Variants in UBXN4 observed in about 807,000 individuals in gnomAD.
UBXN4 encodes the protein UBX domain protein 4, also known as UBX domain-containing protein 4.
Under a neutral mutation model 66.2 loss-of-function variants are expected in UBXN4, and 35 were observed. That is an observed-to-expected ratio of 0.53 (90% confidence interval 0.40 to 0.70). UBXN4 has a LOEUF of 0.70. UBXN4 is among the 30% of genes least tolerant of loss of function. The pLI, the probability that UBXN4 is intolerant of heterozygous loss-of-function variation, is 0.00. For synonymous variants in UBXN4, 203 were observed against 204.5 expected (o/e 0.99, Z 0.06); for missense variants, 533 against 599.8 (o/e 0.89, Z 1.16).
At chr2:135,754,810 A>G (rs909176129) in intron 4 of UBXN4, among the ~76,000 whole-genome samples, 1 of 151,632 alleles carries the variant, frequency 6.6e-6, no homozygotes, top group South Asian at 2.1e-4. Context: ...TTTTTTTGAG[A>G]TGGAGTCTCT....
intron 3 of UBXN4, 146 bp downstream of exon 3, chr2:135,753,713 T>TA (rs1035757179): frequency 3.6e-5 from 25 of 699,344 alleles, no homozygotes; most frequent in Non-Finnish European, 4.8e-5. Context: ...TGTCCTCATT[T>TA]AAAAAAAATG....
At chr2:135,762,346 C>G (rs1047355207) in intron 6 of UBXN4, among the ~76,000 whole-genome samples, 1 of 152,112 alleles carries the variant, frequency 6.6e-6, no homozygotes, top group African/African-American at 2.4e-5. Flanking sequence ...AAATTTCTGG[C>G]TCTTTGTAGT....
intron 1 of UBXN4, among the ~76,000 whole-genome samples, chr2:135,743,825 TTAAA>T (rs973938257): frequency 5.9e-5 from 9 of 151,648 alleles, no homozygotes; most frequent in African/African-American, 1.2e-4. Context: ...ATTGGAATAG[TTAAA>T]TAAAGTTATA....
intron 6 of UBXN4, among the ~76,000 whole-genome samples, chr2:135,767,037 G>A (rs1429178150): frequency 6.6e-6 from 1 of 151,064 alleles, no homozygotes; most frequent in African/African-American, 2.4e-5. Flanking sequence ...CTACTTATTG[G>A]ACACCAGCAC....
At chr2:135,774,319 T>C (rs1161683495) in intron 9 of UBXN4, among the ~76,000 whole-genome samples, 1 of 152,024 alleles carries the variant, frequency 6.6e-6, no homozygotes, top group Non-Finnish European at 1.5e-5. Flanking sequence ...AAATAATGAA[T>C]TTGGACCTTT....
chr2:135,770,347 T>C (rs1258714456), intron 7 of UBXN4, among the ~76,000 whole-genome samples: 1 of 152,220 alleles, frequency 6.6e-6, no homozygotes, highest in Non-Finnish European at 1.5e-5. Context: ...CCTGTAATTA[T>C]GCTTGCCTTC....
intron 1 of UBXN4, among the ~76,000 whole-genome samples, chr2:135,744,168 C>T (rs1019007525): frequency 9.2e-5 from 14 of 152,154 alleles, no homozygotes; most frequent in African/African-American, 3.1e-4. Context: ...TTGTGATTTT[C>T]TTAGGTCTAA....
intron 5 of UBXN4, among the ~76,000 whole-genome samples, chr2:135,756,756 T>C (rs983022304): frequency 1.3e-5 from 2 of 152,212 alleles, no homozygotes; most frequent in African/African-American, 4.8e-5. Context: ...AATTTTCCTT[T>C]AGCATTACTT....
At chr2:135,764,331 T>C (rs965010776) in intron 6 of UBXN4, among the ~76,000 whole-genome samples, 3 of 152,146 alleles carry the variant, frequency 2.0e-5, no homozygotes, top group African/African-American at 7.2e-5. Context: ...AGGGAAAGGG[T>C]GACTAAATCA....
chr2:135,774,555 T>C (rs954921335), intron 9 of UBXN4, among the ~76,000 whole-genome samples: 1 of 151,986 alleles, frequency 6.6e-6, no homozygotes, highest in African/African-American at 2.4e-5. Context: ...ATCAAGAAAG[T>C]GCAAAGAAGC....
Position 135,748,359 on chromosome 2 carries a change from G to A in UBXN4, c.175G>A (p.Asp59Asn), listed in dbSNP as rs185396013. ...SSNSFVAIKI[D>N]TKSEACLQFS... is the part of the protein sequence containing the mutation. Reference sequence around the variant, plus strand: ...AAACAGTTTTGTTGCTATTAAAATCGATACCAAAAGGTTTGTTTATGTTTT... The same window carrying A: ...AAACAGTTTTGTTGCTATTAAAATCAATACCAAAAGGTTTGTTTATGTTTT... Residue 59 changes from aspartate to asparagine, a missense_variant, in exon 2 of 13, where the codon GAT becomes AAT. Physicochemically the swap from Asp to Asn is conservative, Grantham distance 23. This residue lies in a region of UBXN4 where 529 missense variants were observed against 580.1 expected (regional missense o/e 0.91). Coordinates refer to ENST00000272638, the MANE Select transcript of UBXN4 (RefSeq NM_014607.4). The A allele has an allele frequency of 6.9e-6, 11 of 1,589,076 alleles. No individual in the cohort carries two copies. In the Admixed American group the frequency reaches 7.1e-5, roughly 10 times the overall value.
At chr2:135,774,480 A>G (rs145281562) in intron 9 of UBXN4, among the ~76,000 whole-genome samples, 185 of 152,366 alleles carry the variant, frequency 1.2e-3, no homozygotes, top group African/African-American at 4.3e-3. Flanking sequence ...AAGCACAGGA[A>G]CAAAATTTAA....
In UBXN4 at chr2:135,754,358, G is replaced by T. The variant is rs2077266620; in HGVS notation, c.333+81G>T. ...TTTTTTTGAGATGGAGTCTCGTTCTGTCGCCCAGGCTGGAGTGCAGTGGTG... is the reference window on the plus strand; with the variant it reads ...TTTTTTTGAGATGGAGTCTCGTTCTTTCGCCCAGGCTGGAGTGCAGTGGTG... On this transcript the variant is annotated intron_variant, in intron 4 of 12. Transcript: ENST00000272638. 7 of 1,115,582 alleles carry T rather than the reference G, an allele frequency of 6.3e-6. No homozygotes were observed. The Admixed American group carries it at 1.1e-4, about 17-fold the overall frequency. The allele number at this position is 1,115,582 out of a possible 1,614,324, so 69.1% of individuals were successfully genotyped here.
chr2:135,757,733 T>C (rs1243667017), intron 5 of UBXN4, among the ~76,000 whole-genome samples: 2 of 152,176 alleles, frequency 1.3e-5, no homozygotes, highest in African/African-American at 4.8e-5. Flanking sequence ...AGCTCTGGCT[T>C]ACCTGAGGTG....
chr2:135,747,764 A>G (rs1195280966), intron 1 of UBXN4: 1 of 446,810 alleles, frequency 2.2e-6, no homozygotes, highest in Non-Finnish European at 4.5e-6. Context: ...CCTCCTATGT[A>G]GGTGGGATTA....
At chr2:135,745,292 C>T (rs944388701) in intron 1 of UBXN4, among the ~76,000 whole-genome samples, 2 of 152,168 alleles carry the variant, frequency 1.3e-5, no homozygotes, top group South Asian at 2.1e-4. Context: ...CGTATTCCTT[C>T]TGCGTGGTGA....
intron 1 of UBXN4, chr2:135,747,809 T>A (rs967258910): frequency 2.5e-6 from 1 of 395,420 alleles, no homozygotes. Context: ...TAAGTAGAGA[T>A]GGGGTTTTAC....
intron 5 of UBXN4, among the ~76,000 whole-genome samples, chr2:135,759,813 G>T (rs1232842229): frequency 2.6e-5 from 3 of 116,180 alleles, no homozygotes; most frequent in East Asian, 2.8e-4. Context: ...CTGTCTCCCA[G>T]GCTGGAGTGC....
At chr2:135,765,003 A>G (rs1164521504) in intron 6 of UBXN4, among the ~76,000 whole-genome samples, 6 of 151,878 alleles carry the variant, frequency 4.0e-5, no homozygotes, top group East Asian at 1.9e-4. Context: ...TAGTAGAGAC[A>G]GGGGTTTGCC....
Sources: allele counts gnomAD v4.1 joint callset (sites outside exome capture counted in the v4.1 genomes callset), GRCh38; gene constraint gnomAD v4.1.1; regional missense constraint gnomAD v4.1.1; transcripts MANE v1.5; gene names NCBI Gene and HGNC (gene_info 2026-07-23, HGNC 2026-07-21).